KHDRBS2: variants seen among roughly 807,000 people sequenced by gnomAD.
The protein encoded by KHDRBS2 is KH domain-containing, RNA-binding, signal transduction-associated protein 2.
In KHDRBS2, 26 loss-of-function variants were observed where a neutral mutation model predicts 44.3. That is an observed-to-expected ratio of 0.59 (90% CI 0.43 to 0.81). The LOEUF (loss-of-function observed/expected upper bound fraction) is 0.81, where lower values mean the gene tolerates loss of function less well. KHDRBS2 is among the 40% of genes least tolerant of loss of function. The pLI is 0.00. For synonymous variants in KHDRBS2, 194 were observed against 151.1 expected (o/e 1.28, Z -2.08); for missense variants, 476 against 433.1 (o/e 1.10, Z -0.88).
At chr6:62,093,238 AT>A (rs1799817342) in intron 2 of KHDRBS2, among the ~76,000 whole-genome samples, 1 of 151,640 alleles carries the variant, frequency 6.6e-6, no homozygotes, top group Non-Finnish European at 1.5e-5. Flanking sequence ...AAAAAAAAAA[AT>A]TAAAAGAAGG....
At chr6:61,835,415 T>C (rs1792490067) in intron 6 of KHDRBS2, among the ~76,000 whole-genome samples, 1 of 152,052 alleles carries the variant, frequency 6.6e-6, no homozygotes, top group African/African-American at 2.4e-5. Context: ...ATACAGCTCA[T>C]CAATCATAGC....
intron 2 of KHDRBS2, among the ~76,000 whole-genome samples, chr6:62,069,805 T>C (rs1794564561): frequency 6.6e-6 from 1 of 151,820 alleles, no homozygotes; most frequent in African/African-American, 2.4e-5. Flanking sequence ...TGTTTATATT[T>C]CTCTCAATTG....
At chr6:62,189,398 C>G (rs1225977996) in intron 1 of KHDRBS2, among the ~76,000 whole-genome samples, 1 of 151,888 alleles carries the variant, frequency 6.6e-6, no homozygotes, top group East Asian at 1.9e-4. Flanking sequence ...TGGGCCAGAA[C>G]TGTGCATCCA....
At chr6:61,923,156 T>C (rs1384647833) in intron 4 of KHDRBS2, among the ~76,000 whole-genome samples, 1 of 152,044 alleles carries the variant, frequency 6.6e-6, no homozygotes, top group African/African-American at 2.4e-5. Context: ...TATGACAGTT[T>C]AGACACTGCA....
chr6:61,857,143 G>A lies in KHDRBS2; in HGVS notation c.810+37492C>T, dbSNP rs114478846. 9.6e-4 allele frequency among the ~76,000 whole-genome samples: 146 copies of A among 151,978 alleles called. 2 individuals are homozygous for A. The highest frequency in any genetic ancestry group is 3.2e-3 in the African/African-American group (134 of 41,504). On this transcript the variant is annotated intron_variant, in intron 6 of 8. Coordinates refer to ENST00000281156, the MANE Select transcript of KHDRBS2 (RefSeq NM_152688.4). ...TTATTAAGTAACTAGCCTTCACGGAGGTCCTTTTCTTTTCTTTTTAAGATT... is the reference window on the plus strand; with the variant it reads ...TTATTAAGTAACTAGCCTTCACGGAAGTCCTTTTCTTTTCTTTTTAAGATT...
At chr6:62,135,032 T>A (rs566211190) in intron 2 of KHDRBS2, among the ~76,000 whole-genome samples, 1 of 152,072 alleles carries the variant, frequency 6.6e-6, no homozygotes, top group African/African-American at 2.4e-5. Context: ...GAAGGCATGA[T>A]TGATTTTGGA....
At chr6:62,047,302 C>A (rs1317086161) in intron 3 of KHDRBS2, among the ~76,000 whole-genome samples, 1 of 151,890 alleles carries the variant, frequency 6.6e-6, no homozygotes, top group African/African-American at 2.4e-5. Context: ...TAATGTAGTA[C>A]AGATGTGAAA....
chr6:61,635,264 G>T, the KHDRBS2 span, among the ~76,000 whole-genome samples: 1 of 152,038 alleles, frequency 6.6e-6, no homozygotes, highest in Non-Finnish European at 1.5e-5. Flanking sequence ...TATGATTTCA[G>T]AAAATGCCCT....
At chr6:61,559,047 C>T in the KHDRBS2 span, among the ~76,000 whole-genome samples, 1 of 151,952 alleles carries the variant, frequency 6.6e-6, no homozygotes, top group Non-Finnish European at 1.5e-5. Flanking sequence ...GATGGGGTCT[C>T]TCTCTCTCTC....
chr6:62,271,726 T>C (rs1840119601), intron 1 of KHDRBS2, among the ~76,000 whole-genome samples: 1 of 151,594 alleles, frequency 6.6e-6, no homozygotes, highest in Non-Finnish European at 1.5e-5. Context: ...CAAAAAAGTT[T>C]AAAGAGTAAA....
chr6:61,970,984 C>A (rs1038708298), intron 4 of KHDRBS2, among the ~76,000 whole-genome samples: 1 of 151,948 alleles, frequency 6.6e-6, no homozygotes, highest in Non-Finnish European at 1.5e-5. Context: ...ACCTCAAATG[C>A]CTAAATTGAG....
Position 62,082,791 on chromosome 6 carries a change from G to A in KHDRBS2, c.220-34797C>T, listed in dbSNP as rs1233112997. Among the ~76,000 whole-genome samples, 4 of 152,100 alleles carry A rather than the reference G, an allele frequency of 2.6e-5. No individual in the cohort carries two copies. The East Asian group carries it at 7.7e-4, about 29-fold the overall frequency. On this transcript the variant is annotated intron_variant, in intron 2 of 8. Coordinates refer to ENST00000281156, the MANE Select transcript of KHDRBS2 (RefSeq NM_152688.4). The stretch of plus-strand genomic sequence containing the variant: ...AAACAGAGATTGGCAATGAAGAAAA[G>A]CTTTCACGCTTTTGGAATCCTGCTT...
chr6:61,836,585 A>G (rs2127267515), intron 6 of KHDRBS2, among the ~76,000 whole-genome samples: 1 of 152,174 alleles, frequency 6.6e-6, no homozygotes, highest in East Asian at 1.9e-4. Flanking sequence ...GCCTTGTGTT[A>G]TTTGCAACAG....
chr6:61,738,930 G>A (rs1240088864), intron 6 of KHDRBS2, among the ~76,000 whole-genome samples: 1 of 151,832 alleles, frequency 6.6e-6, no homozygotes, highest in East Asian at 1.9e-4. Flanking sequence ...TTAAACATAA[G>A]AGAAGATTCA....
chr6:62,170,273 T>C (rs773241393), intron 2 of KHDRBS2, among the ~76,000 whole-genome samples: 3 of 151,904 alleles, frequency 2.0e-5, no homozygotes, highest in Non-Finnish European at 4.4e-5. Context: ...TGGTGGAGGA[T>C]CAGGGCATGT....
intron 6 of KHDRBS2, among the ~76,000 whole-genome samples, chr6:61,822,336 C>T (rs992096858): frequency 1.3e-5 from 2 of 151,896 alleles, no homozygotes; most frequent in Non-Finnish European, 2.9e-5. Context: ...AACACTCTAA[C>T]CTCCTCCCTT....
intron 1 of KHDRBS2, among the ~76,000 whole-genome samples, chr6:62,258,717 G>A (rs1353965807): frequency 6.6e-6 from 1 of 151,990 alleles, no homozygotes; most frequent in African/African-American, 2.4e-5. Context: ...ATCCCATTAT[G>A]TATATATAAA....
intron 2 of KHDRBS2, among the ~76,000 whole-genome samples, chr6:62,064,674 A>C (rs1172117466): frequency 1.3e-5 from 2 of 152,158 alleles, no homozygotes; most frequent in Non-Finnish European, 2.9e-5. Context: ...AAACCATAAA[A>C]ACCCTAGAAG....
chr6:61,914,485 AACATCAC>A (rs1409037634), intron 4 of KHDRBS2, among the ~76,000 whole-genome samples: 1 of 147,060 alleles, frequency 6.8e-6, no homozygotes, highest in African/African-American at 2.5e-5. Flanking sequence ...CAGGAAGGGG[AACATCAC>A]ACACCGGGGT....
Sources: allele counts gnomAD v4.1 joint callset (sites outside exome capture counted in the v4.1 genomes callset), GRCh38; gene constraint gnomAD v4.1.1; transcripts MANE v1.5; gene names NCBI Gene and HGNC (gene_info 2026-07-23, HGNC 2026-07-21).